Variants in ISG20L2 observed in about 807,000 individuals in gnomAD.
The protein encoded by ISG20L2 is interferon stimulated exonuclease gene 20 like 2, also known as interferon-stimulated 20 kDa exonuclease-like 2.
Under a neutral mutation model 27.8 loss-of-function variants are expected in ISG20L2, and 14 were observed. The observed-to-expected ratio is 0.50, with a 90% CI of 0.33 to 0.79. ISG20L2 has a LOEUF of 0.79. Among genes scored for constraint, ISG20L2 ranks in the 30% least tolerant of loss-of-function variants. The pLI is 0.02. For missense variants in ISG20L2, 393 were observed against 435.1 expected (o/e 0.90, Z 0.86); for synonymous variants, 157 against 165.7 (o/e 0.95, Z 0.40).
At chr1:156,726,475 T>C in intron 2 of ISG20L2, 1 of 937,404 alleles carries the variant, frequency 1.1e-6, no homozygotes, top group Non-Finnish European at 1.3e-6. Flanking sequence ...CAGGCTGGAG[T>C]GCAGTGGCAG....
Position 156,724,564 on chromosome 1 carries a change from T to C in ISG20L2, c.748-216A>G, listed in dbSNP as rs138261266. On this transcript the variant is annotated intron_variant, in intron 2 of 3. Transcript: ENST00000368219. ...CCATGGTATACCCTGTTTGGACTCA[T>C]ACTGCCAGTGGCTCCTTACCTTCTT... 304 of 1,342,922 alleles carry C rather than the reference T, an allele frequency of 2.3e-4. No homozygotes were observed. In the African/African-American group the frequency reaches 4.0e-3, roughly 18 times the overall value. 83.2% of individuals were successfully genotyped at this position (1,342,922 alleles called of 1,614,324 possible). A position where few individuals can be genotyped will look rare whatever the true frequency, so the allele number is the denominator to read the frequency against.
At chr1:156,728,002 G>A in intron 1 of ISG20L2, 1 of 1,047,422 alleles carries the variant, frequency 9.5e-7, no homozygotes. Context: ...TCATTACCGC[G>A]CTCTAGGTTT....
intron 2 of ISG20L2, 176 bp from the exon 3 acceptor site, chr1:156,724,524 T>C: frequency 7.1e-7 from 1 of 1,410,956 alleles, no homozygotes; most frequent in South Asian, 1.6e-5. Flanking sequence ...CACCTTCCTC[T>C]TCCACAGGTG....
intron 1 of ISG20L2, 151 bp downstream of exon 1, chr1:156,728,264 G>C: frequency 1.0e-6 from 1 of 985,960 alleles, no homozygotes; most frequent in African/African-American, 1.7e-5. Context: ...GGCAATCTCC[G>C]CATGCATCTC....
rs1488473179 is a variant in ISG20L2 at position 156,722,054 on chromosome 1, A to G, written c.*1295T>C. On this transcript the variant is annotated 3_prime_UTR_variant, in exon 4 of 4. Transcript: ENST00000368219. ...AATAAACCCCCTATTACCTTAGGAA[A>G]GAGACAGCTTTCCTAAATCACAGAA... 6.6e-6 allele frequency: 1 copy of G among 152,204 alleles called. No homozygotes were observed. The highest frequency in any genetic ancestry group is 1.5e-5 in the Non-Finnish European group (1 of 68,042). The allele number at this position is 152,204 out of a possible 1,614,324, so 9.4% of individuals were successfully genotyped here.
At position 156,727,323 on chromosome 1, in the gene ISG20L2, A is replaced by G. The variant is rs1185204454; in HGVS notation, c.330T>C (p.Asp110=). Residue 110 remains aspartate, a synonymous_variant, in exon 2 of 4, where the codon GAT becomes GAC. Transcript: ENST00000368219. The stretch of plus-strand genomic sequence containing the variant: ...GCAAATCTACTTTAGCAGCAACAGA[A>G]TCAGCCTTTTTTGAAGGGGCAGGGG... ...WLTPAPSKKA[D]SVAAKVDLLG... is the part of the protein sequence containing the mutation. The G allele has an allele frequency of 1.2e-6, 2 of 1,614,202 alleles. No homozygotes were observed. Among genetic ancestry groups the G allele is most frequent in the South Asian group, 2.2e-5 (2 of 91,080 alleles).
rs61736207 is a variant in ISG20L2 at position 156,724,232 on chromosome 1, G to C, written c.864C>G (p.Pro288=). The change falls in exon 3 of 4, where the codon CCC becomes CCG. Residue 288 remains proline (P), a synonymous_variant. Transcript: ENST00000368219. The part of the protein sequence containing the change: ...SLTRDTSHIP[P]LNRKADCPEN... ...CCGGGCAGTCAGCCTTCCGGTTGAGGGGGGGGATATGGGAGGTGTCACGGG... is the reference window on the plus strand; with the variant it reads ...CCGGGCAGTCAGCCTTCCGGTTGAGCGGGGGGATATGGGAGGTGTCACGGG... 2.2e-5 allele frequency: 35 copies of C among 1,613,814 alleles called. No homozygotes were observed. The highest frequency in any genetic ancestry group is 1.6e-4 in the Middle Eastern group (1 of 6,082).
intron 2 of ISG20L2, 132 bp downstream of exon 2, chr1:156,726,774 C>T: frequency 6.8e-7 from 1 of 1,468,214 alleles, no homozygotes; most frequent in Non-Finnish European, 9.0e-7. Context: ...GGGCCTTCTT[C>T]AACAACTGAT....
At position 156,727,678 on chromosome 1, in the gene ISG20L2, G is replaced by T. The variant is rs1648859062; in HGVS notation, c.-26C>A. On this transcript the variant is annotated 5_prime_UTR_variant, in exon 2 of 4. Coordinates refer to ENST00000368219, the MANE Select transcript of ISG20L2 (RefSeq NM_001370150.2). ...AGGGACAATGGAAGGCGGAAGAGTA[G>T]TTGGGAAGAGTGGCTTATGGATGAA... 1.3e-6 allele frequency: 2 copies of T among 1,594,254 alleles called. No homozygotes were observed.
rs1271655845 is a variant in ISG20L2, at chr1:156,727,081, G to T, written c.572C>A (p.Pro191Gln). ...AGCCAAGGAACTAACATGCCCCTTT[G>T]GTCCTGTGCCCACCATCTCACAGTC... is the stretch of plus-strand genomic sequence containing the variant. The part of the protein sequence containing the change: ...AIDCEMVGTG[P>Q]KGHVSSLARC... The change falls in exon 2 of 4, where the codon CCA becomes CAA. Residue 191 changes from proline to glutamine, a missense_variant. By Grantham distance (76) the Pro-to-Gln change is moderately conservative. Coordinates refer to ENST00000368219, the MANE Select transcript of ISG20L2 (RefSeq NM_001370150.2). The T allele has an allele frequency of 6.2e-7, 1 of 1,614,052 alleles. No homozygotes were observed. The highest frequency in any genetic ancestry group is 8.5e-7 in the Non-Finnish European group (1 of 1,180,046).
chr1:156,728,166 C>T lies in ISG20L2; in HGVS notation c.-118+249G>A, dbSNP rs534855377. On this transcript the variant is annotated intron_variant, in intron 1 of 3. Transcript: ENST00000368219. Reference sequence around the variant, plus strand: ...GTGAGAAGTATGGCGTAGATAACCTCTGGGCTACCCAGGCATCCGCAGCGT... The same window carrying T: ...GTGAGAAGTATGGCGTAGATAACCTTTGGGCTACCCAGGCATCCGCAGCGT... 1.2e-4 allele frequency: 120 copies of T among 986,788 alleles called. 1 individual carries two copies. Among genetic ancestry groups the T allele is most frequent in the Non-Finnish European group, 4.1e-5 (34 of 830,800 alleles). 61.1% of individuals were successfully genotyped at this position (986,788 alleles called of 1,614,324 possible). A position where few individuals can be genotyped will look rare whatever the true frequency, so the allele number is the denominator to read the frequency against.
In ISG20L2 at chr1:156,727,632, A is replaced by T. The variant is rs1648853905; in HGVS notation, c.21T>A (p.Asn7Lys). 1 of 1,613,412 alleles carries T rather than the reference A, an allele frequency of 6.2e-7. No homozygotes were observed. The highest frequency in any genetic ancestry group is 1.3e-5 in the African/African-American group (1 of 74,816). The change falls in exon 2 of 4, where the codon AAT becomes AAA. Residue 7 changes from asparagine (N) to lysine (K), a missense_variant. By Grantham distance (94) the Asn-to-Lys change is moderately conservative (BLOSUM62 0). Coordinates refer to ENST00000368219, the MANE Select transcript of ISG20L2 (RefSeq NM_001370150.2). ...TGGGAGGAGGTTCCCCAAAATCCAG[A>T]TTGAGCAGTAAAGTAGACATAGGGA... MSTLLLNLDFGEPPPKK... is the reference protein window; with the variant it reads MSTLLLKLDFGEPPPKK...
chr1:156,727,212 T>C lies in ISG20L2; in HGVS notation c.441A>G (p.Lys147=). 1.2e-6 allele frequency: 2 copies of C among 1,613,976 alleles called. No homozygotes were observed. Among genetic ancestry groups the C allele is most frequent in the East Asian group, 4.5e-5 (2 of 44,888 alleles). ...GGGCATTCTTCTGAGGATGGTTCTT[T>C]TTAGAGGATTTCTTCTGGGAGCTCT... ...QKKSSQKKSS[K]KNHPQKNAPQ... is the part of the protein sequence containing the mutation. The change falls in exon 2 of 4, where the codon AAA becomes AAG. Residue 147 remains lysine, a synonymous_variant. Transcript: ENST00000368219.
intron 2 of ISG20L2, chr1:156,726,042 C>T (rs1365350387): frequency 2.0e-6 from 2 of 985,442 alleles, no homozygotes; most frequent in Non-Finnish European, 2.4e-6. Context: ...CCAGCTCACT[C>T]TCCTTTCCGT....
intron 3 of ISG20L2, chr1:156,723,916 T>C: frequency 7.6e-7 from 1 of 1,320,394 alleles, no homozygotes; most frequent in Non-Finnish European, 9.8e-7. Flanking sequence ...CTTTCTTCCT[T>C]AGTTAGGGTT....
Position 156,727,488 on chromosome 1 carries a change from G to A in ISG20L2, c.165C>T (p.His55=). The A allele has an allele frequency of 1.2e-6, 2 of 1,614,116 alleles. No individual in the cohort carries two copies. The highest frequency in any genetic ancestry group is 1.7e-6 in the Non-Finnish European group (2 of 1,180,002). ...NQPPSKAPKL[H]SEPSKKGETP... ...TTTCCCCTTTCTTTGAAGGTTCAGA[G>A]TGCAACTTAGGCGCCTTGCTAGGGG... Residue 55 remains histidine, a synonymous_variant, in exon 2 of 4, where the codon CAC becomes CAT. Coordinates refer to ENST00000368219, the MANE Select transcript of ISG20L2 (RefSeq NM_001370150.2).
Position 156,724,360 on chromosome 1 carries a change from G to A in ISG20L2, c.748-12C>T, listed in dbSNP as rs746076196. ...AGTATCTTCAAGATCTGGAAGAAGTGTGGGAAGAGAGTGGTGAGAAGGAAG... is the reference window on the plus strand; with the variant it reads ...AGTATCTTCAAGATCTGGAAGAAGTATGGGAAGAGAGTGGTGAGAAGGAAG... On this transcript the variant is annotated splice_polypyrimidine_tract_variant and intron_variant, in intron 2 of 3. Transcript: ENST00000368219. The A allele has an allele frequency of 1.3e-6, 2 of 1,599,296 alleles. No individual in the cohort carries two copies. The highest frequency in any genetic ancestry group is 1.7e-6 in the Non-Finnish European group (2 of 1,168,804).
chr1:156,726,251 C>A (rs932167754), intron 2 of ISG20L2: 3 of 985,240 alleles, frequency 3.0e-6, no homozygotes, highest in Middle Eastern at 5.2e-4. Flanking sequence ...TTGCTTGGGA[C>A]GAGCTCTCCA....
At chr1:156,727,922 G>A (rs1456171598) in intron 1 of ISG20L2, 153 bp from the exon 2 acceptor site, 4 of 1,198,178 alleles carry the variant, frequency 3.3e-6, no homozygotes, top group Non-Finnish European at 2.1e-6. Context: ...GATGGAGGGA[G>A]CATTGGTGTT....
Sources: allele counts gnomAD v4.1 joint callset, GRCh38; gene constraint gnomAD v4.1.1; transcripts MANE v1.5; gene names NCBI Gene and HGNC (gene_info 2026-07-23, HGNC 2026-07-21).